KCNU1: variants seen among roughly 807,000 people sequenced by gnomAD.
KCNU1 encodes the protein potassium channel subfamily U member 1.
KCNU1 carries 93 observed loss-of-function variants against 126.8 expected under a neutral mutation model. That is an observed-to-expected ratio of 0.73 (90% CI 0.62 to 0.87). KCNU1 has a LOEUF of 0.87. KCNU1 is among the 40% of genes least tolerant of loss of function. The pLI is 0.00. For missense variants in KCNU1, 1,330 were observed against 1,367.1 expected (o/e 0.97, Z 0.43); for synonymous variants, 523 against 494.2 (o/e 1.06, Z -0.77).
At chr8:36,794,692 G>A (rs1248120019) in intron 2 of KCNU1, among the ~76,000 whole-genome samples, 2 of 152,058 alleles carry the variant, frequency 1.3e-5, no homozygotes, top group Non-Finnish European at 2.9e-5. Flanking sequence ...GGAGCCTGAG[G>A]CAGTAGAATC....
chr8:36,918,864 A>T lies in KCNU1; in HGVS notation c.2563A>T (p.Asn855Tyr). Residue 855 changes from asparagine (N) to tyrosine (Y), a missense_variant, in exon 23 of 27, where the codon AAC becomes TAC. By Grantham distance (143) the Asn-to-Tyr change is moderately radical (BLOSUM62 -2). Around this residue, in one of 3 missense-constraint regions of KCNU1, gnomAD observed 1,054 missense variants for 1,053.9 expected, o/e 1.00. Transcript: ENST00000399881. ...GYTNGHNEKS[N>Y]CRKVPILTEL... Reference sequence around the variant, plus strand: ...CACAAATGGACATAATGAGAAATCAAACTGCCGAAAAGTCCCTATCCTTAC... The same window carrying T: ...CACAAATGGACATAATGAGAAATCATACTGCCGAAAAGTCCCTATCCTTAC... The T allele has an allele frequency of 6.2e-7, 1 of 1,610,846 alleles. No individual in the cohort carries two copies. The highest frequency in any genetic ancestry group is 1.7e-5 in the Admixed American group (1 of 60,018).
At chr8:36,913,029 G>A (rs1472106714) in intron 22 of KCNU1, among the ~76,000 whole-genome samples, 1 of 149,880 alleles carries the variant, frequency 6.7e-6, no homozygotes, top group East Asian at 2.0e-4. Context: ...ATAAGCCCAG[G>A]ATAACTGACA....
chr8:36,814,611 A>C (rs1372851197), intron 8 of KCNU1, among the ~76,000 whole-genome samples: 3 of 152,160 alleles, frequency 2.0e-5, no homozygotes, highest in Non-Finnish European at 4.4e-5. Context: ...AAGGAAGCAG[A>C]CTTTCCTTAT....
At chr8:36,801,270 T>G (rs549383833) in intron 2 of KCNU1, among the ~76,000 whole-genome samples, 1 of 152,282 alleles carries the variant, frequency 6.6e-6, no homozygotes, top group African/African-American at 2.4e-5. Context: ...ATTTGGATGG[T>G]CTGCTTGATG....
At chr8:36,928,453 A>C (rs1320307385) in intron 24 of KCNU1, among the ~76,000 whole-genome samples, 1 of 152,128 alleles carries the variant, frequency 6.6e-6, no homozygotes, top group African/African-American at 2.4e-5. Flanking sequence ...ACTTTATTCC[A>C]TAAGCACCCT....
At chr8:36,901,525 G>T (rs1005737735) in intron 19 of KCNU1, among the ~76,000 whole-genome samples, 1 of 152,060 alleles carries the variant, frequency 6.6e-6, no homozygotes, top group South Asian at 2.1e-4. Flanking sequence ...CAGTCTTCAT[G>T]CATATCAAAG....
intron 14 of KCNU1, among the ~76,000 whole-genome samples, chr8:36,838,654 G>A (rs890923784): frequency 1.8e-4 from 27 of 152,156 alleles, no homozygotes; most frequent in Admixed American, 5.9e-4. Context: ...CTGAGATCAC[G>A]CCACTCCACT....
chr8:36,898,187 G>C (rs1807271903), intron 19 of KCNU1, among the ~76,000 whole-genome samples: 1 of 152,058 alleles, frequency 6.6e-6, no homozygotes, highest in Admixed American at 6.6e-5. Context: ...TGGATAAGAA[G>C]ACTTCACAAA....
intron 19 of KCNU1, chr8:36,888,609 A>T: frequency 1.9e-6 from 1 of 534,294 alleles, no homozygotes; most frequent in Non-Finnish European, 3.8e-6. Context: ...GGGAACACTG[A>T]TGACTCACTC....
chr8:36,905,221 A>G (rs1026164841), intron 19 of KCNU1, among the ~76,000 whole-genome samples: 1 of 152,124 alleles, frequency 6.6e-6, no homozygotes, highest in African/African-American at 2.4e-5. Context: ...TGCAAAAAGT[A>G]TTTACTAAAT....
intron 19 of KCNU1, among the ~76,000 whole-genome samples, chr8:36,887,956 C>G (rs549544780): frequency 2.4e-4 from 37 of 152,068 alleles, no homozygotes; most frequent in African/African-American, 8.9e-4. Context: ...ATAGAAGGGA[C>G]GGGGGTATCA....
intron 8 of KCNU1, among the ~76,000 whole-genome samples, chr8:36,814,923 G>A (rs143877564): frequency 2.4e-4 from 36 of 152,110 alleles, no homozygotes; most frequent in African/African-American, 8.7e-4. Flanking sequence ...ACCCATCCAC[G>A]GTCTCACATC....
rs372529739 is a variant in KCNU1 at position 36,913,011 on chromosome 8, T to G, written c.2521+1892T>G. Among the ~76,000 whole-genome samples, 41 of 136,396 alleles carry G rather than the reference T, an allele frequency of 3.0e-4. 1 individual carries two copies. Among genetic ancestry groups the G allele is most frequent in the African/African-American group, 1.1e-3 (41 of 36,180 alleles). The allele number at this position is 136,396 out of a possible 152,430, so 89.5% of individuals were successfully genotyped here. On this transcript the variant is annotated intron_variant, in intron 22 of 26. Coordinates refer to ENST00000399881, the MANE Select transcript of KCNU1 (RefSeq NM_001031836.3). The stretch of plus-strand genomic sequence containing the variant: ...AAATCCATATACAAATGAAAATGCA[T>G]GCACAATATAAGCCCAGGATAACTG...
chr8:36,849,073 C>T (rs774722971), intron 18 of KCNU1, among the ~76,000 whole-genome samples: 1 of 152,074 alleles, frequency 6.6e-6, no homozygotes, highest in Non-Finnish European at 1.5e-5. Flanking sequence ...AGAACATTTT[C>T]CTCACCTCAA....
Position 36,814,336 on chromosome 8 carries a change from T to C in KCNU1, c.862T>C (p.Leu288=), listed in dbSNP as rs764640841. Residue 288 remains leucine, a synonymous_variant, in exon 8 of 27, where the codon TTA becomes CTA. Transcript: ENST00000399881. ...TGGAGATGTGGTAGCCAAGACATCC[T>C]TAGGACGGACCTTCATCATGTTCTT... ...GFGDVVAKTS[L]GRTFIMFFTL... The C allele has an allele frequency of 4.3e-6, 7 of 1,612,798 alleles. No homozygotes were observed. In the East Asian group the frequency reaches 1.6e-4, roughly 36 times the overall value.
chr8:36,928,266 A>G (rs1490994089), intron 24 of KCNU1, among the ~76,000 whole-genome samples: 3 of 152,144 alleles, frequency 2.0e-5, no homozygotes, highest in African/African-American at 4.8e-5. Flanking sequence ...ATGTTTTCCT[A>G]GAGCTATTGA....
intron 24 of KCNU1, among the ~76,000 whole-genome samples, chr8:36,927,154 A>G (rs544752370): frequency 6.6e-6 from 1 of 152,302 alleles, no homozygotes; most frequent in Admixed American, 6.5e-5. Context: ...GCTTAGAAAT[A>G]CTAAGGTTTT....
In KCNU1 at chr8:36,814,302, C is replaced by T. The variant is rs760039232; in HGVS notation, c.828C>T (p.Thr276=). Residue 276 remains threonine (T), a synonymous_variant, in exon 8 of 27, where the codon ACC becomes ACT. Transcript: ENST00000399881. The part of the protein sequence containing the change: ...SIYLVMATTS[T]VGFGDVVAKT... ...ACCTGGTCATGGCAACAACGTCAACCGTTGGATTTGGAGATGTGGTAGCCA... is the reference window on the plus strand; with the variant it reads ...ACCTGGTCATGGCAACAACGTCAACTGTTGGATTTGGAGATGTGGTAGCCA... 1.4e-5 allele frequency: 22 copies of T among 1,612,404 alleles called. No homozygotes were observed. Among genetic ancestry groups the T allele is most frequent in the African/African-American group, 5.3e-5 (4 of 74,862 alleles).
intron 18 of KCNU1, among the ~76,000 whole-genome samples, chr8:36,860,724 A>C (rs565693527): frequency 1.2e-4 from 18 of 152,314 alleles, no homozygotes; most frequent in African/African-American, 4.3e-4. Context: ...TAGAGTCTGC[A>C]TTAAAATGCT....
Sources: allele counts gnomAD v4.1 joint callset (sites outside exome capture counted in the v4.1 genomes callset), GRCh38; gene constraint gnomAD v4.1.1; regional missense constraint gnomAD v4.1.1; transcripts MANE v1.5; gene names NCBI Gene and HGNC (gene_info 2026-07-23, HGNC 2026-07-21).